SMAD6: variants seen among roughly 807,000 people sequenced by gnomAD.
SMAD6 encodes MAD homolog 6.
Under a neutral mutation model 39.4 loss-of-function variants are expected in SMAD6, and 103 were observed. The ratio of observed to expected loss-of-function variants is 2.62; its 90% CI spans 2.23 to 3.08. SMAD6 has a LOEUF of 3.08. Ranked by LOEUF, SMAD6 falls within the 30% of genes most tolerant of loss-of-function variation. The probability of loss-of-function intolerance (pLI) is 0.00; values close to 1 mark genes in which losing one functional copy is unlikely to be tolerated. For missense variants in SMAD6, 1,104 were observed against 742.9 expected (o/e 1.49, Z -5.65); for synonymous variants, 445 against 353.3 (o/e 1.26, Z -2.91).
At chr15:66,719,510 C>T (rs1194837121) in intron 3 of SMAD6, among the ~76,000 whole-genome samples, 1 of 152,196 alleles carries the variant, frequency 6.6e-6, no homozygotes, top group African/African-American at 2.4e-5. Context: ...CCTTGTTACC[C>T]TCAGTGTCCT....
rs1198316558 is a variant in SMAD6, at chr15:66,727,914, G to A, written c.952+11416G>A. Among the ~76,000 whole-genome samples the A allele has an allele frequency of 5.9e-5, 9 of 151,850 alleles. No homozygotes were observed. The East Asian group carries it at 7.7e-4, about 13-fold the overall frequency. On this transcript the variant is annotated intron_variant, in intron 3 of 3. Transcript: ENST00000288840. The stretch of plus-strand genomic sequence containing the variant: ...GTTGCCCAGGCTGGAGTGCAATGGC[G>A]CGATCTCCGCTCGCGGTAACCTCCG...
intron 3 of SMAD6, among the ~76,000 whole-genome samples, chr15:66,727,570 G>T (rs1361048965): frequency 6.6e-6 from 1 of 152,154 alleles, no homozygotes; most frequent in African/African-American, 2.4e-5. Context: ...CACTTGTTCT[G>T]GGAATGGGGA....
chr15:66,747,982 C>T lies in SMAD6; in HGVS notation c.952+31484C>T, dbSNP rs763867065. Among the ~76,000 whole-genome samples the T allele has an allele frequency of 1.1e-4, 16 of 152,192 alleles. No homozygotes were observed. Among genetic ancestry groups the T allele is most frequent in the African/African-American group, 3.1e-4 (13 of 41,440 alleles). ...CTGGGGGCGCACACAGCCACCCCCA[C>T]GCCCTAACTTGCCCCATTGTAGCCA... is the stretch of plus-strand genomic sequence containing the variant. On this transcript the variant is annotated intron_variant, in intron 3 of 3. Transcript: ENST00000288840. The surrounding 1 kb of genome is among the most constrained non-coding windows in gnomAD (Gnocchi z 4.5).
chr15:66,710,956 C>G (rs1893214871), intron 1 of SMAD6, among the ~76,000 whole-genome samples: 1 of 152,188 alleles, frequency 6.6e-6, no homozygotes, highest in South Asian at 2.1e-4. Context: ...GGTCCTAACC[C>G]TTTCTACTGT....
intron 3 of SMAD6, among the ~76,000 whole-genome samples, chr15:66,753,342 G>T (rs1413093497): frequency 6.6e-6 from 1 of 152,212 alleles, no homozygotes; most frequent in Non-Finnish European, 1.5e-5. Context: ...CAGTCGCAGG[G>T]ATCTGGGCAG....
intron 3 of SMAD6, among the ~76,000 whole-genome samples, chr15:66,749,463 G>GAAAC (rs959680814): frequency 6.6e-6 from 1 of 152,022 alleles, no homozygotes; most frequent in African/African-American, 2.4e-5. Context: ...CATCTCAAAA[G>GAAAC]AAACAAACAA....
chr15:66,703,834 G>C lies in SMAD6; in HGVS notation c.576G>C (p.Leu192=). 2 of 1,396,450 alleles carry C rather than the reference G, an allele frequency of 1.4e-6. No individual in the cohort carries two copies. The highest frequency in any genetic ancestry group is 3.0e-5 in the South Asian group (2 of 66,340). The allele number at this position is 1,396,450 out of a possible 1,614,324, so 86.5% of individuals were successfully genotyped here. A position where few individuals can be genotyped will look rare whatever the true frequency, so the allele number is the denominator to read the frequency against. Residue 192 remains leucine (L), a synonymous_variant, in exon 1 of 4, where the codon CTG becomes CTC. Transcript: ENST00000288840. The part of the protein sequence containing the change: ...RLKERSLDTL[L]EAVESRGGVP... ...AGGAGCGCTCGCTGGACACGCTGCT[G>C]GAGGCGGTGGAGTCCCGCGGCGGCG...
intron 3 of SMAD6, among the ~76,000 whole-genome samples, chr15:66,750,967 A>G (rs1429941083): frequency 6.6e-6 from 1 of 152,134 alleles, no homozygotes; most frequent in Non-Finnish European, 1.5e-5. Context: ...GCGCCGGCAG[A>G]GGTGTTTGCT....
chr15:66,709,106 G>T (rs1271878938), intron 1 of SMAD6, among the ~76,000 whole-genome samples: 2 of 152,204 alleles, frequency 1.3e-5, no homozygotes, highest in Middle Eastern at 3.2e-3. Context: ...GGCCTCTTCT[G>T]TCTTTGACAC....
intron 3 of SMAD6, among the ~76,000 whole-genome samples, chr15:66,764,235 G>C (rs541717509): frequency 6.6e-6 from 1 of 152,266 alleles, no homozygotes; most frequent in South Asian, 2.1e-4. Flanking sequence ...TGTTTATATA[G>C]TGCTAATAGG....
chr15:66,717,496 G>A (rs745817399), intron 3 of SMAD6: 4 of 450,034 alleles, frequency 8.9e-6, no homozygotes, highest in South Asian at 6.2e-5. Flanking sequence ...CCACTTTTCT[G>A]CAAGGGCCAA....
rs1431379127 is a variant in SMAD6 at position 66,774,066 on chromosome 15, A to T, written c.953-6931A>T. On this transcript the variant is annotated intron_variant, in intron 3 of 3. Coordinates refer to ENST00000288840, the MANE Select transcript of SMAD6 (RefSeq NM_005585.5). ...CTGAAGACCCAGAGGACTCGGGCTG[A>T]GCCTCCCACGAATGCCCTGAACCTT... is the stretch of plus-strand genomic sequence containing the variant. Among the ~76,000 whole-genome samples, 4 of 152,132 alleles carry T rather than the reference A, an allele frequency of 2.6e-5. No individual in the cohort carries two copies. In the South Asian group the frequency reaches 8.3e-4, roughly 32 times the overall value.
At chr15:66,711,101 A>G (rs1441474673) in intron 1 of SMAD6, among the ~76,000 whole-genome samples, 1 of 152,246 alleles carries the variant, frequency 6.6e-6, no homozygotes, top group Non-Finnish European at 1.5e-5. Flanking sequence ...AAATTCGAGT[A>G]TCAGATAAAC....
intron 1 of SMAD6, among the ~76,000 whole-genome samples, chr15:66,709,751 C>T (rs1037759244): frequency 2.6e-5 from 4 of 152,200 alleles, no homozygotes; most frequent in African/African-American, 9.7e-5. Flanking sequence ...GGAGTCACTT[C>T]CACTCACCAG....
intron 3 of SMAD6, among the ~76,000 whole-genome samples, chr15:66,754,388 G>C (rs369417107): frequency 9.2e-5 from 14 of 152,268 alleles, no homozygotes; most frequent in African/African-American, 3.4e-4. Context: ...CTTCTAAACA[G>C]CCTCCTCCGA....
chr15:66,723,048 C>T (rs1595770499), intron 3 of SMAD6, among the ~76,000 whole-genome samples: 1 of 152,164 alleles, frequency 6.6e-6, no homozygotes, highest in Admixed American at 6.5e-5. Flanking sequence ...GCTGTAAGTA[C>T]CAGCTCCCAG....
At chr15:66,704,120 C>A in intron 1 of SMAD6, 45 bp downstream of exon 1, 4 of 1,337,892 alleles carry the variant, frequency 3.0e-6, no homozygotes, top group Non-Finnish European at 3.9e-6. Flanking sequence ...TCCCCGTCCC[C>A]ATCCCCTTCC....
intron 3 of SMAD6, among the ~76,000 whole-genome samples, chr15:66,778,946 C>G (rs114733767): frequency 0.01 from 1,541 of 152,306 alleles, 29 homozygotes; most frequent in African/African-American, 0.036. Context: ...GCATCCCCAC[C>G]TTGCTGTGCC....
At chr15:66,768,789 C>A (rs970891896) in intron 3 of SMAD6, among the ~76,000 whole-genome samples, 1 of 152,212 alleles carries the variant, frequency 6.6e-6, no homozygotes, top group Non-Finnish European at 1.5e-5. Flanking sequence ...TTTTCAAAAG[C>A]CCTTCCAGCC....
Sources: gnomAD v4.1 joint callset for allele counts (sites outside exome capture counted in the v4.1 genomes callset) on GRCh38, gnomAD v4.1.1 for gene constraint, Gnocchi (gnomAD v3.1) non-coding constraint, MANE v1.5 for transcripts, NCBI Gene and HGNC (gene_info 2026-07-23, HGNC 2026-07-21) for gene names.